Variants in DLGAP2 observed in about 807,000 individuals in gnomAD.
DLGAP2 encodes the protein DLG associated protein 2, also known as disks large-associated protein 2.
A neutral mutation model predicts 100.3 loss-of-function variants in DLGAP2; 26 were observed. The ratio of observed to expected loss-of-function variants is 0.26; its 90% CI spans 0.19 to 0.36. DLGAP2 has a LOEUF of 0.36. Among genes scored for constraint, DLGAP2 ranks in the 10% least tolerant of loss-of-function variants. DLGAP2 has a pLI of 1.00. For missense variants in DLGAP2, 1,858 were observed against 1,453.2 expected (o/e 1.28, Z -4.53); for synonymous variants, 886 against 630.1 (o/e 1.41, Z -6.08).
At chr8:1,296,355 C>T (rs1800174789) in intron 3 of DLGAP2, among the ~76,000 whole-genome samples, 1 of 152,140 alleles carries the variant, frequency 6.6e-6, no homozygotes. Flanking sequence ...TTCAGCGTTC[C>T]TTTAATCTCC....
intron 2 of DLGAP2, among the ~76,000 whole-genome samples, chr8:1,013,588 G>A (rs1189184864): frequency 6.7e-6 from 1 of 149,146 alleles, no homozygotes; most frequent in Non-Finnish European, 1.5e-5. Context: ...CCCAGCAAAC[G>A]GACAGACGGC....
intron 1 of DLGAP2, among the ~76,000 whole-genome samples, chr8:890,084 G>C (rs1160427632): frequency 6.6e-6 from 1 of 152,162 alleles, no homozygotes; most frequent in African/African-American, 2.4e-5. Context: ...CAGCCTTCTA[G>C]TGAAGTTTGA....
chr8:1,273,055 G>A (rs1339058125), intron 3 of DLGAP2, among the ~76,000 whole-genome samples: 1 of 152,130 alleles, frequency 6.6e-6, no homozygotes. Context: ...TGACCACTGG[G>A]GTTGATCCTG....
At chr8:1,024,089 T>C (rs1015218825) in intron 2 of DLGAP2, among the ~76,000 whole-genome samples, 7 of 151,964 alleles carry the variant, frequency 4.6e-5, no homozygotes, top group South Asian at 2.1e-4. Flanking sequence ...GGACGAGGCC[T>C]CCGGCTTGGG....
At chr8:1,039,356 G>A (rs201172564) in intron 2 of DLGAP2, among the ~76,000 whole-genome samples, 10 of 148,922 alleles carry the variant, frequency 6.7e-5, no homozygotes, top group Admixed American at 2.0e-4. Context: ...CTCGGTGTGC[G>A]TGGTCAGCTC....
Position 1,459,728 on chromosome 8 carries a change from C to A in DLGAP2, c.107-41638C>A, listed in dbSNP as rs375899288. ...TGAGATGGAGTCTTGTTCTGTCACC[C>A]ATGCTGGAGTGCAGTGGCACAATCT... On this transcript the variant is annotated intron_variant, in intron 3 of 14. Coordinates refer to ENST00000637795, the MANE Select transcript of DLGAP2 (RefSeq NM_001346810.2). Among the ~76,000 whole-genome samples, 31 of 148,420 alleles carry A rather than the reference C, an allele frequency of 2.1e-4. No homozygotes were observed. The East Asian group carries it at 3.4e-3, about 16-fold the overall frequency.
chr8:1,164,471 G>T (rs1301636562), intron 2 of DLGAP2, among the ~76,000 whole-genome samples: 1 of 150,834 alleles, frequency 6.6e-6, no homozygotes, highest in Non-Finnish European at 1.5e-5. Flanking sequence ...GCTCTCACTG[G>T]CTGACGTCCT....
intron 3 of DLGAP2, among the ~76,000 whole-genome samples, chr8:1,275,729 A>AT (rs1563056169): frequency 1.8e-5 from 2 of 112,846 alleles, no homozygotes; most frequent in Non-Finnish European, 1.9e-5. Context: ...TATATATATA[A>AT]AATATATGTA....
chr8:1,272,817 C>G (rs543824033), intron 3 of DLGAP2, among the ~76,000 whole-genome samples: 5 of 152,120 alleles, frequency 3.3e-5, no homozygotes, highest in East Asian at 1.9e-4. Context: ...CATGAGCTGC[C>G]GGCCTGCAAG....
At chr8:867,497 AAAGGGG>A (rs1563071306) in intron 1 of DLGAP2, among the ~76,000 whole-genome samples, 1 of 152,222 alleles carries the variant, frequency 6.6e-6, no homozygotes, top group Non-Finnish European at 1.5e-5. Flanking sequence ...GTTGAGAACA[AAAGGGG>A]AACAGTGTTG....
chr8:787,729 C>G (rs539854602), intron 1 of DLGAP2, among the ~76,000 whole-genome samples: 3 of 152,342 alleles, frequency 2.0e-5, no homozygotes, highest in East Asian at 3.9e-4. Flanking sequence ...CTGTCTCAGC[C>G]TACATCGGAA....
At chr8:1,010,549 A>T (rs1484712104) in intron 2 of DLGAP2, among the ~76,000 whole-genome samples, 1 of 152,230 alleles carries the variant, frequency 6.6e-6, no homozygotes, top group Non-Finnish European at 1.5e-5. Context: ...TCGGGCAGTG[A>T]AGAGTAGAGC....
chr8:1,238,295 G>A (rs1392870386), intron 2 of DLGAP2, among the ~76,000 whole-genome samples: 2 of 19,534 alleles, frequency 1.0e-4, no homozygotes, highest in East Asian at 1.8e-3. Context: ...ACATGTTGCC[G>A]TGTCTAGTTC....
At chr8:1,476,424 A>G (rs1419640609) in intron 3 of DLGAP2, among the ~76,000 whole-genome samples, 1 of 152,106 alleles carries the variant, frequency 6.6e-6, no homozygotes, top group Admixed American at 6.5e-5. Context: ...TCTACACTCC[A>G]AGGGCGTCAC....
At chr8:1,225,407 A>C (rs1400234950) in intron 2 of DLGAP2, among the ~76,000 whole-genome samples, 2 of 152,216 alleles carry the variant, frequency 1.3e-5, no homozygotes, top group Non-Finnish European at 2.9e-5. Context: ...CACCGAGGTA[A>C]TTGCCAGCGG....
chr8:1,680,176 G>C (rs995994290), intron 12 of DLGAP2, among the ~76,000 whole-genome samples: 2 of 152,026 alleles, frequency 1.3e-5, no homozygotes, highest in African/African-American at 4.8e-5. Context: ...GACAAATTAC[G>C]GTCTAAGTAT....
intron 2 of DLGAP2, among the ~76,000 whole-genome samples, chr8:1,136,581 T>A (rs113742943): frequency 0.013 from 1,916 of 152,276 alleles, 52 homozygotes; most frequent in African/African-American, 0.043. Flanking sequence ...CATAGGGCAC[T>A]CAGATCTAGT....
At chr8:1,027,289 A>T (rs1177403146) in intron 2 of DLGAP2, among the ~76,000 whole-genome samples, 2 of 152,156 alleles carry the variant, frequency 1.3e-5, no homozygotes, top group Non-Finnish European at 2.9e-5. Flanking sequence ...GCTGCAGGTG[A>T]GGTGCCGGGT....
chr8:1,285,705 A>T (rs926073895), intron 3 of DLGAP2, among the ~76,000 whole-genome samples: 2 of 152,220 alleles, frequency 1.3e-5, no homozygotes, highest in Admixed American at 1.3e-4. Context: ...TTTCTGGCTC[A>T]TGCCTGTAAT....
Sources: gnomAD v4.1 joint callset for allele counts (sites outside exome capture counted in the v4.1 genomes callset) on GRCh38, gnomAD v4.1.1 for gene constraint, MANE v1.5 for transcripts, NCBI Gene and HGNC (gene_info 2026-07-23, HGNC 2026-07-21) for gene names.